TMEM135: variants seen among roughly 807,000 people sequenced by gnomAD.
TMEM135 encodes transmembrane protein 135.
Under a neutral mutation model 60.3 loss-of-function variants are expected in TMEM135, and 30 were observed. That is an observed-to-expected ratio of 0.50 (90% confidence interval 0.37 to 0.68). The LOEUF (loss-of-function observed/expected upper bound fraction) is 0.68, where lower values mean the gene tolerates loss of function less well. Among genes scored for constraint, TMEM135 ranks in the 30% least tolerant of loss-of-function variants. TMEM135 has a pLI of 0.00. For missense variants in TMEM135, 468 were observed against 548.8 expected, an observed-to-expected ratio of 0.85 and a Z score of 1.47; for synonymous variants, 190 against 186.7, an observed-to-expected ratio of 1.02 and a Z score of -0.14.
At chr11:87,237,671 T>C (rs1221624754) in intron 6 of TMEM135, among the ~76,000 whole-genome samples, 1 of 152,014 alleles carries the variant, frequency 6.6e-6, no homozygotes, top group Non-Finnish European at 1.5e-5. Context: ...ATCCTTTGTG[T>C]TACAAACAAT....
intron 13 of TMEM135, 186 bp from the exon 14 acceptor site, chr11:87,319,124 C>T (rs1942781114): frequency 1.7e-6 from 1 of 581,674 alleles, no homozygotes; most frequent in Non-Finnish European, 3.1e-6. Flanking sequence ...CCGCCTCGGC[C>T]TCCCCAAGTG....
chr11:87,064,521 A>G (rs1029623329), intron 1 of TMEM135, among the ~76,000 whole-genome samples: 5 of 152,128 alleles, frequency 3.3e-5, no homozygotes, highest in Admixed American at 2.0e-4. Flanking sequence ...CTTCTTTTCC[A>G]CTTACCCACT....
intron 5 of TMEM135, among the ~76,000 whole-genome samples, chr11:87,168,907 C>G (rs1939146108): frequency 6.6e-6 from 1 of 151,960 alleles, no homozygotes; most frequent in African/African-American, 2.4e-5. Context: ...AGGTGTTAAA[C>G]TCTCCCACTA....
Position 87,281,614 on chromosome 11 carries a change from C to T in TMEM135, c.510-14168C>T, listed in dbSNP as rs114516535. Among the ~76,000 whole-genome samples the T allele has an allele frequency of 4.2e-3, 640 of 152,258 alleles. 4 individuals are homozygous for T. Among genetic ancestry groups the T allele is most frequent in the African/African-American group, 0.015 (607 of 41,552 alleles). On this transcript the variant is annotated intron_variant, in intron 6 of 14. Transcript: ENST00000305494. ...TGATCTTCAACAATTATATACTTGG[C>T]GTGTATGGTAGACTGTGTTATTGTT...
Position 87,038,065 on chromosome 11 carries a change from C to T in TMEM135, c.20C>T (p.Ser7Phe), listed in dbSNP as rs1314306092. 1 of 1,614,180 alleles carries T rather than the reference C, an allele frequency of 6.2e-7. No homozygotes were observed. Among genetic ancestry groups the T allele is most frequent in the African/African-American group, 1.3e-5 (1 of 75,058 alleles). MAALSK[S>F]IPHNCYEIGH... is the part of the protein sequence containing the mutation. ...CTCGTCATGGCGGCCCTCAGCAAGT[C>T]CATCCCTCATAACTGCTATGAGATC... Residue 7 changes from serine (S) to phenylalanine (F), a missense_variant, in exon 1 of 15, where the codon TCC becomes TTC. Coordinates refer to ENST00000305494, the MANE Select transcript of TMEM135 (RefSeq NM_022918.4).
At chr11:87,102,925 T>A (rs781379804) in intron 4 of TMEM135, among the ~76,000 whole-genome samples, 1 of 152,144 alleles carries the variant, frequency 6.6e-6, no homozygotes, top group Non-Finnish European at 1.5e-5. Flanking sequence ...CTGAAACTTA[T>A]CATCACAACC....
At chr11:87,270,836 T>A (rs7120206) in intron 6 of TMEM135, among the ~76,000 whole-genome samples, 3,258 of 152,260 alleles carry the variant, frequency 0.021, 106 homozygotes, top group African/African-American at 0.071. Flanking sequence ...TTTTCCTCTA[T>A]TATTAAAGTT....
At chr11:87,197,019 A>G (rs1009967313) in intron 5 of TMEM135, among the ~76,000 whole-genome samples, 1 of 152,136 alleles carries the variant, frequency 6.6e-6, no homozygotes, top group Admixed American at 6.5e-5. Context: ...AATGAAAAAA[A>G]ATTAGCAAAA....
rs185431082 is a variant in TMEM135 at position 87,287,450 on chromosome 11, G to T, written c.510-8332G>T. Among the ~76,000 whole-genome samples the T allele has an allele frequency of 1.4e-3, 211 of 152,242 alleles. 1 individual carries two copies. The highest frequency in any genetic ancestry group is 4.8e-3 in the African/African-American group (200 of 41,552). ...TCCCAGCACTTTGGGAGGCTGAGGC[G>T]GGCAGATCATGAGGTCAAGAGATCA... On this transcript the variant is annotated intron_variant, in intron 6 of 14. Transcript: ENST00000305494.
At chr11:87,300,926 TGAAC>T (rs879504750) in intron 7 of TMEM135, among the ~76,000 whole-genome samples, 5,477 of 152,268 alleles carry the variant, frequency 0.036, 93 homozygotes, top group Admixed American at 0.046. Context: ...ATCCTGTAAA[TGAAC>T]AGTAAATGAA....
At chr11:87,223,982 A>G (rs1296557801) in intron 5 of TMEM135, among the ~76,000 whole-genome samples, 2 of 152,212 alleles carry the variant, frequency 1.3e-5, no homozygotes, top group Admixed American at 1.3e-4. Context: ...ACCAAACCAG[A>G]TATGAGCAAT....
chr11:87,311,732 A>T (rs1359375722), intron 10 of TMEM135, among the ~76,000 whole-genome samples: 1 of 152,068 alleles, frequency 6.6e-6, no homozygotes, highest in African/African-American at 2.4e-5. Context: ...TCAAAAACAA[A>T]TTGCCCATGC....
At chr11:87,289,471 T>A (rs1398453575) in intron 6 of TMEM135, among the ~76,000 whole-genome samples, 1 of 116,042 alleles carries the variant, frequency 8.6e-6, no homozygotes, top group South Asian at 3.0e-4. Flanking sequence ...TTTTTTGAGA[T>A]GTAGTTTTGC....
intron 5 of TMEM135, among the ~76,000 whole-genome samples, chr11:87,187,891 G>T (rs960608528): frequency 6.6e-6 from 1 of 152,106 alleles, no homozygotes; most frequent in Admixed American, 6.5e-5. Flanking sequence ...GCTAGGGGCT[G>T]TTTATTTGCC....
intron 5 of TMEM135, among the ~76,000 whole-genome samples, chr11:87,225,536 A>T (rs1415795682): frequency 2.0e-5 from 3 of 152,128 alleles, no homozygotes; most frequent in African/African-American, 7.2e-5. Context: ...TGCAATTCAA[A>T]ATAAACAAGA....
intron 1 of TMEM135, among the ~76,000 whole-genome samples, chr11:87,047,164 A>G (rs1024744490): frequency 1.3e-5 from 2 of 152,010 alleles, no homozygotes; most frequent in Non-Finnish European, 2.9e-5. Context: ...TTGCTTTTCC[A>G]CCTCGATCTA....
At chr11:87,100,964 T>C (rs538707179) in intron 4 of TMEM135, among the ~76,000 whole-genome samples, 19 of 152,346 alleles carry the variant, frequency 1.2e-4, no homozygotes, top group African/African-American at 4.1e-4. Flanking sequence ...TAACTAGCAC[T>C]TAAAAACATA....
rs1243783505 is a variant in TMEM135 at position 87,068,656 on chromosome 11, A to C, written c.269+835A>C. 3.3e-5 allele frequency among the ~76,000 whole-genome samples: 5 copies of C among 151,972 alleles called. No homozygotes were observed. In the East Asian group the frequency reaches 9.7e-4, roughly 30 times the overall value. On this transcript the variant is annotated intron_variant, in intron 2 of 14. Coordinates refer to ENST00000305494, the MANE Select transcript of TMEM135 (RefSeq NM_022918.4). ...AAACCCCGTCTCTACTAAAAAGTAC[A>C]AAAAATTAGCCGGGCGTGGTGGTGG...
At chr11:87,178,996 G>C (rs1939450090) in intron 5 of TMEM135, among the ~76,000 whole-genome samples, 1 of 152,048 alleles carries the variant, frequency 6.6e-6, no homozygotes. Flanking sequence ...TTGCCACTTG[G>C]CAGTGTATGA....
Sources: allele counts gnomAD v4.1 joint callset (sites outside exome capture counted in the v4.1 genomes callset), GRCh38; gene constraint gnomAD v4.1.1; transcripts MANE v1.5; gene names NCBI Gene and HGNC (gene_info 2026-07-23, HGNC 2026-07-21).